PACRG: variants seen among roughly 807,000 people sequenced by gnomAD.
PACRG encodes parkin coregulated.
PACRG carries 29 observed loss-of-function variants against 29.7 expected under a neutral mutation model. That is an observed-to-expected ratio of 0.98 (90% CI 0.73 to 1.33). PACRG has a LOEUF of 1.33. Ranked by LOEUF, PACRG falls within the 40% of genes most tolerant of loss-of-function variation. The pLI is 0.00. For synonymous variants in PACRG, 116 were observed against 118.7 expected (o/e 0.98, Z 0.15); for missense variants, 279 against 316.2 (o/e 0.88, Z 0.89).
intron 4 of PACRG, among the ~76,000 whole-genome samples, chr6:163,248,224 G>A (rs539137402): frequency 9.3e-4 from 142 of 152,296 alleles, no homozygotes; most frequent in Middle Eastern, 6.8e-3. Context: ...CATGTGCCCC[G>A]CAAGAAAGAT....
At chr6:162,989,764 T>A (rs9458705) in intron 2 of PACRG, among the ~76,000 whole-genome samples, 41,497 of 149,598 alleles carry the variant, frequency 0.28, 7,551 homozygotes, top group Non-Finnish European at 0.4. Flanking sequence ...ATACTTTAAG[T>A]TTTAGGGTAC....
At chr6:163,108,730 T>C (rs1287956847) in intron 4 of PACRG, among the ~76,000 whole-genome samples, 3 of 152,168 alleles carry the variant, frequency 2.0e-5, no homozygotes, top group Admixed American at 6.5e-5. Context: ...TGGGTAGTTC[T>C]TCATATTAAG....
At chr6:163,282,120 A>G (rs1243166600) in intron 4 of PACRG, among the ~76,000 whole-genome samples, 1 of 152,220 alleles carries the variant, frequency 6.6e-6, no homozygotes, top group African/African-American at 2.4e-5. Context: ...GGATAATATT[A>G]AGACATTTAA....
intron 1 of PACRG, among the ~76,000 whole-genome samples, chr6:162,737,174 G>C (rs1780227876): frequency 6.6e-6 from 1 of 152,094 alleles, no homozygotes; most frequent in Admixed American, 6.6e-5. Context: ...CCTGCCTAAG[G>C]GGCTTTTGAC....
intron 2 of PACRG, among the ~76,000 whole-genome samples, chr6:162,848,176 G>A (rs1790568346): frequency 6.6e-6 from 1 of 152,194 alleles, no homozygotes; most frequent in Non-Finnish European, 1.5e-5. Flanking sequence ...CCCAAGAGGG[G>A]CCTCTGGATT....
At chr6:162,727,365 G>C (rs1779304312), upstream of PACRG, 4 of 473,294 alleles carry the variant, frequency 8.5e-6, no homozygotes, top group Admixed American at 4.2e-5. Context: ...CACGGTCCGG[G>C]GGACCGCGAA....
chr6:162,850,573 A>C (rs1476585677), intron 2 of PACRG, among the ~76,000 whole-genome samples: 2 of 152,164 alleles, frequency 1.3e-5, no homozygotes, highest in Non-Finnish European at 2.9e-5. Flanking sequence ...CTATGTAATG[A>C]AGCCTTCATA....
chr6:163,039,133 G>C (rs532271749), intron 2 of PACRG, among the ~76,000 whole-genome samples: 58 of 152,262 alleles, frequency 3.8e-4, no homozygotes, highest in Non-Finnish European at 3.7e-4. Context: ...GTTCTCACGA[G>C]ATTTGATGGT....
At chr6:163,288,140 C>G (rs1784460362) in intron 4 of PACRG, among the ~76,000 whole-genome samples, 1 of 152,188 alleles carries the variant, frequency 6.6e-6, no homozygotes, top group Admixed American at 6.5e-5. Flanking sequence ...CTCAGGTTTT[C>G]TTAATTGCAA....
At chr6:163,088,417 T>C (rs1813790944) in intron 3 of PACRG, among the ~76,000 whole-genome samples, 2 of 152,220 alleles carry the variant, frequency 1.3e-5, no homozygotes, top group South Asian at 4.1e-4. Context: ...TTAGCCATCT[T>C]AGAAAGTGCA....
chr6:163,047,106 C>A (rs1809477840), intron 2 of PACRG, among the ~76,000 whole-genome samples: 1 of 152,144 alleles, frequency 6.6e-6, no homozygotes, highest in Admixed American at 6.5e-5. Context: ...TAAAATAGGG[C>A]CATGTTTTAC....
chr6:163,218,588 T>G (rs968400793), intron 4 of PACRG, among the ~76,000 whole-genome samples: 2 of 152,180 alleles, frequency 1.3e-5, no homozygotes, highest in Non-Finnish European at 2.9e-5. Flanking sequence ...CTGGCAGCCT[T>G]GGTGTTGCCA....
chr6:163,075,502 A>C (rs1279850383), intron 3 of PACRG, among the ~76,000 whole-genome samples: 1 of 152,212 alleles, frequency 6.6e-6, no homozygotes, highest in Non-Finnish European at 1.5e-5. Context: ...AATTTATTAA[A>C]CAATATAACT....
intron 2 of PACRG, among the ~76,000 whole-genome samples, chr6:162,843,963 C>T (rs1790072279): frequency 9.7e-6 from 1 of 103,624 alleles, no homozygotes; most frequent in South Asian, 3.9e-4. Flanking sequence ...GTTCTCAGAT[C>T]TCCAGCTGCG....
chr6:162,888,066 C>T (rs1244321964), intron 2 of PACRG, among the ~76,000 whole-genome samples: 4 of 152,058 alleles, frequency 2.6e-5, no homozygotes, highest in South Asian at 2.1e-4. Flanking sequence ...AGGAGATGAA[C>T]GTCGTGTCCT....
chr6:162,869,869 A>T (rs1355053575), intron 2 of PACRG, among the ~76,000 whole-genome samples: 1 of 152,248 alleles, frequency 6.6e-6, no homozygotes, highest in African/African-American at 2.4e-5. Flanking sequence ...CTGAAAATAT[A>T]CTATGAGCCC....
At chr6:163,071,666 G>C (rs1279339759) in intron 3 of PACRG, among the ~76,000 whole-genome samples, 1 of 145,504 alleles carries the variant, frequency 6.9e-6, no homozygotes, top group Admixed American at 6.8e-5. Flanking sequence ...AAATTAGTAG[G>C]AGAAAAGAAA....
intron 2 of PACRG, among the ~76,000 whole-genome samples, chr6:163,043,547 G>A (rs915947111): frequency 5.3e-5 from 8 of 151,422 alleles, no homozygotes; most frequent in African/African-American, 9.7e-5. Context: ...GCAAGACTCC[G>A]TCTAAAAAAA....
intron 2 of PACRG, among the ~76,000 whole-genome samples, chr6:163,058,878 C>T (rs1354027740): frequency 1.3e-4 from 19 of 151,932 alleles, no homozygotes; most frequent in African/African-American, 2.2e-4. Flanking sequence ...CCAGCCTGGG[C>T]GACAGAGCGA....
Sources: gnomAD v4.1 joint callset for allele counts (sites outside exome capture counted in the v4.1 genomes callset) on GRCh38, gnomAD v4.1.1 for gene constraint, MANE v1.5 for transcripts, NCBI Gene and HGNC (gene_info 2026-07-23, HGNC 2026-07-21) for gene names.